RGL1: variants seen among roughly 807,000 people sequenced by gnomAD.
RGL1 encodes the protein ral guanine nucleotide dissociation stimulator-like 1.
RGL1 carries 24 observed loss-of-function variants against 95.2 expected under a neutral mutation model. That is an observed-to-expected ratio of 0.25 (90% CI 0.18 to 0.35). The LOEUF (loss-of-function observed/expected upper bound fraction) is 0.35, where lower values mean the gene tolerates loss of function less well. Among genes scored for constraint, RGL1 ranks in the 10% least tolerant of loss-of-function variants. The pLI is 1.00. For synonymous variants in RGL1, 329 were observed against 344.9 expected (o/e 0.95, Z 0.51); for missense variants, 715 against 936.3 (o/e 0.76, Z 3.08).
chr1:183,705,354 C>T (rs1176776100), intron 1 of RGL1, among the ~76,000 whole-genome samples: 1 of 151,968 alleles, frequency 6.6e-6, no homozygotes. Context: ...TTAGGGGAGA[C>T]CTGATGCCCC....
chr1:183,644,499 C>T (rs1286728276), intron 1 of RGL1, among the ~76,000 whole-genome samples: 5 of 151,950 alleles, frequency 3.3e-5, no homozygotes, highest in East Asian at 1.9e-4. Context: ...GATCATGGCT[C>T]GCTGCAGCCT....
At chr1:183,639,593 T>C (rs1179819972) in intron 1 of RGL1, among the ~76,000 whole-genome samples, 1 of 151,382 alleles carries the variant, frequency 6.6e-6, no homozygotes, top group Non-Finnish European at 1.5e-5. Flanking sequence ...AATTTCATTT[T>C]TTCTTTGTTT....
chr1:183,819,608 A>G (rs777551699), intron 2 of RGL1, among the ~76,000 whole-genome samples: 1 of 152,114 alleles, frequency 6.6e-6, no homozygotes, highest in Non-Finnish European at 1.5e-5. Flanking sequence ...ATTGTCCCAA[A>G]TGTAATTGGC....
chr1:183,678,980 C>A (rs886374785), intron 1 of RGL1, among the ~76,000 whole-genome samples: 3 of 152,206 alleles, frequency 2.0e-5, no homozygotes, highest in African/African-American at 7.2e-5. Flanking sequence ...AGTGGAAAGA[C>A]TAGGAGACGT....
chr1:183,697,349 C>A (rs1178575181), intron 1 of RGL1, among the ~76,000 whole-genome samples: 1 of 152,106 alleles, frequency 6.6e-6, no homozygotes, highest in Non-Finnish European at 1.5e-5. Flanking sequence ...TTATTATTTT[C>A]TAATATTTTA....
chr1:183,847,549 G>T lies in RGL1; in HGVS notation c.139-17G>T, dbSNP rs10494570. On this transcript the variant is annotated splice_polypyrimidine_tract_variant and intron_variant, in intron 2 of 17. Coordinates refer to ENST00000360851, the MANE Select transcript of RGL1 (RefSeq NM_001297671.3). ...GGAGTCATTTCTCCTTATGGTAATTGTTAATTTATTATACAGGTTGAAGGG... is the reference window on the plus strand; with the variant it reads ...GGAGTCATTTCTCCTTATGGTAATTTTTAATTTATTATACAGGTTGAAGGG... 0.083 allele frequency: 132,351 copies of T among 1,601,538 alleles called. 5,802 individuals are homozygous for T. The highest frequency in any genetic ancestry group is 0.11 in the Middle Eastern group (684 of 5,962).
intron 15 of RGL1, among the ~76,000 whole-genome samples, chr1:183,915,409 A>G (rs548752030): frequency 2.6e-5 from 4 of 152,334 alleles, no homozygotes; most frequent in Admixed American, 6.5e-5. Context: ...ACCTCTTCCA[A>G]TAACTTCTTT....
intron 2 of RGL1, among the ~76,000 whole-genome samples, chr1:183,758,933 C>T (rs1311838443): frequency 6.6e-6 from 1 of 152,154 alleles, no homozygotes; most frequent in Non-Finnish European, 1.5e-5. Flanking sequence ...AGCTCTGTTC[C>T]ACTTACCCCA....
chr1:183,900,916 G>A (rs537368392), intron 11 of RGL1, among the ~76,000 whole-genome samples: 108 of 151,812 alleles, frequency 7.1e-4, no homozygotes, highest in Admixed American at 2.2e-3. Context: ...TGTAATCCCA[G>A]CACTTTAAGA....
chr1:183,872,842 A>G (rs1345143874), intron 4 of RGL1, among the ~76,000 whole-genome samples: 3 of 152,222 alleles, frequency 2.0e-5, no homozygotes. Flanking sequence ...AAAATGGGGA[A>G]AAGGAGGAGG....
At chr1:183,704,173 C>A (rs181395928) in intron 1 of RGL1, among the ~76,000 whole-genome samples, 1 of 152,194 alleles carries the variant, frequency 6.6e-6, no homozygotes, top group African/African-American at 2.4e-5. Context: ...GCTATAGGAT[C>A]GTATGGAGTT....
At chr1:183,918,383 C>T (rs1669113467) in intron 16 of RGL1, among the ~76,000 whole-genome samples, 1 of 152,168 alleles carries the variant, frequency 6.6e-6, no homozygotes, top group South Asian at 2.1e-4. Context: ...AAGCCAAGGT[C>T]CTCCATGTGG....
At chr1:183,706,430 A>G (rs1654918922) in intron 1 of RGL1, among the ~76,000 whole-genome samples, 1 of 152,088 alleles carries the variant, frequency 6.6e-6, no homozygotes, top group African/African-American at 2.4e-5. Context: ...ACATGAAGAG[A>G]TGGTAGTTGC....
chr1:183,651,724 T>C (rs1387448750), intron 1 of RGL1, among the ~76,000 whole-genome samples: 1 of 152,226 alleles, frequency 6.6e-6, no homozygotes, highest in African/African-American at 2.4e-5. Context: ...TATATTTTCC[T>C]GATGTAACTG....
At chr1:183,715,072 G>T (rs1655527784) in intron 1 of RGL1, among the ~76,000 whole-genome samples, 1 of 152,146 alleles carries the variant, frequency 6.6e-6, no homozygotes, top group African/African-American at 2.4e-5. Flanking sequence ...GCTTAGAAAG[G>T]TTAGGAAACT....
At chr1:183,715,390 G>A (rs1167900427) in intron 1 of RGL1, among the ~76,000 whole-genome samples, 1 of 152,084 alleles carries the variant, frequency 6.6e-6, no homozygotes, top group African/African-American at 2.4e-5. Flanking sequence ...TTGGTGAACT[G>A]ATTGTTATAT....
chr1:183,916,962 C>T (rs1185222292), intron 16 of RGL1, among the ~76,000 whole-genome samples: 1 of 152,016 alleles, frequency 6.6e-6, no homozygotes, highest in Non-Finnish European at 1.5e-5. Context: ...TAAAGAAATG[C>T]TAAAACTTAT....
intron 2 of RGL1, among the ~76,000 whole-genome samples, chr1:183,773,015 C>A (rs1379511599): frequency 5.5e-5 from 4 of 72,408 alleles, no homozygotes; most frequent in African/African-American, 9.3e-5. Flanking sequence ...GACTCCGTCT[C>A]AAAAAAAAAA....
rs190911417 is a variant in RGL1 at position 183,895,825 on chromosome 1, G to A, written c.1141-1983G>A. On this transcript the variant is annotated intron_variant, in intron 9 of 17. Transcript: ENST00000360851. Reference sequence around the variant, plus strand: ...GTCGGTCTTTTTAGATCTCTAGCAGGGATGGAATCTCATTCTCATGAAATC... The same window carrying A: ...GTCGGTCTTTTTAGATCTCTAGCAGAGATGGAATCTCATTCTCATGAAATC... 2.9e-3 allele frequency among the ~76,000 whole-genome samples: 444 copies of A among 152,206 alleles called. 2 individuals carry two copies. The highest frequency in any genetic ancestry group is 0.01 in the Middle Eastern group (3 of 294).
Sources: allele counts gnomAD v4.1 joint callset (sites outside exome capture counted in the v4.1 genomes callset), GRCh38; gene constraint gnomAD v4.1.1; transcripts MANE v1.5; gene names NCBI Gene and HGNC (gene_info 2026-07-23, HGNC 2026-07-21).